Variants in NOXA1 observed in about 807,000 individuals in gnomAD.
The protein encoded by NOXA1 is NCF2-like protein.
In NOXA1, 56 loss-of-function variants were observed where a neutral mutation model predicts 64.8. That is an observed-to-expected ratio of 0.86 (90% CI 0.70 to 1.08). The LOEUF is 1.08. NOXA1 is among the 50% of genes least tolerant of loss of function. The pLI is 0.00. For synonymous variants in NOXA1, 295 were observed against 294.8 expected (o/e 1.00, Z -0.01); for missense variants, 668 against 658.5 (o/e 1.01, Z -0.16).
intron 13 of NOXA1, 51 bp downstream of exon 13, chr9:137,434,130 G>A (rs1839257765): frequency 1.9e-6 from 3 of 1,582,142 alleles, no homozygotes; most frequent in Non-Finnish European, 2.6e-6. Context: ...CCGGGGTGTG[G>A]GGGGCTTAGA....
At position 137,423,440 on chromosome 9, in the gene NOXA1, G is replaced by A. The variant is rs944186852; in HGVS notation, c.-90G>A. 2.3e-6 allele frequency: 2 copies of A among 882,698 alleles called. No homozygotes were observed. The highest frequency in any genetic ancestry group is 4.1e-5 in the East Asian group (1 of 24,274). 54.7% of individuals were successfully genotyped at this position (882,698 alleles called of 1,614,324 possible). On this transcript the variant is annotated 5_prime_UTR_variant, in exon 1 of 14. Coordinates refer to ENST00000683555, the MANE Select transcript of NOXA1 (RefSeq NM_001256067.2). Reference sequence around the variant, plus strand: ...GGCGCCCGCACCTCTGCCCGCCTCGGAGACCCCGCAGCCCCGCGCCGCCGC... The same window carrying A: ...GGCGCCCGCACCTCTGCCCGCCTCGAAGACCCCGCAGCCCCGCGCCGCCGC...
At chr9:137,429,439 G>A in intron 5 of NOXA1, 56 bp downstream of exon 5, 2 of 1,282,042 alleles carry the variant, frequency 1.6e-6, no homozygotes, top group Non-Finnish European at 2.2e-6. Context: ...CCCTCGAACT[G>A]TGTTCCCAGG....
rs772301119 is a variant in NOXA1, at chr9:137,428,979, C to T, written c.467C>T (p.Ser156Phe). 3.1e-6 allele frequency: 5 copies of T among 1,596,950 alleles called. No homozygotes were observed. In the East Asian group the frequency reaches 9.0e-5, roughly 29 times the overall value. The stretch of plus-strand genomic sequence containing the variant: ...GCCATGTCCAAGTGGCCGGAGGGGT[C>T]CCTGAATGGCCTGGACTCAGCCCTG... ...REAMSKWPEG[S>F]LNGLDSALDQ... The change falls in exon 4 of 14, where the codon TCC (serine) becomes TTC (phenylalanine). Residue 156 changes from serine to phenylalanine, a missense_variant. By Grantham distance (155) the Ser-to-Phe change is radical. Coordinates refer to ENST00000683555, the MANE Select transcript of NOXA1 (RefSeq NM_001256067.2).
chr9:137,431,172 C>A lies in NOXA1; in HGVS notation c.699-64C>A, dbSNP rs560329990. On this transcript the variant is annotated intron_variant, in intron 7 of 13. Coordinates refer to ENST00000683555, the MANE Select transcript of NOXA1 (RefSeq NM_001256067.2). This position sits in a 1 kb window ranked among gnomAD's most constrained non-coding sequence, Gnocchi z 5.6. ...GGCAGAGGCCCTCCACATGGGGCCA[C>A]GCGGGCCGGGCACAGGAGGGCAGTC... 18 of 1,610,558 alleles carry A rather than the reference C, an allele frequency of 1.1e-5. No individual in the cohort carries two copies. Among genetic ancestry groups the A allele is most frequent in the Middle Eastern group, 1.6e-4 (1 of 6,072 alleles).
At chr9:137,432,128 G>A (rs995070815) in intron 8 of NOXA1, among the ~76,000 whole-genome samples, 1 of 152,050 alleles carries the variant, frequency 6.6e-6, no homozygotes, top group African/African-American at 2.4e-5. Flanking sequence ...CTAATAATAA[G>A]TTACAATCGA....
Position 137,433,890 on chromosome 9 carries a change from G to A in NOXA1, c.1179+26G>A, listed in dbSNP as rs1839237932. ...GTGAGCCAAGGGCGAGGCAGGGGCA[G>A]GGGCACCCTGAGGGGCGGTGGAGGC... is the stretch of plus-strand genomic sequence containing the variant. On this transcript the variant is annotated intron_variant, in intron 12 of 13. Coordinates refer to ENST00000683555, the MANE Select transcript of NOXA1 (RefSeq NM_001256067.2). The A allele has an allele frequency of 2.7e-6, 4 of 1,473,522 alleles. No homozygotes were observed. In the East Asian group the frequency reaches 7.4e-5, roughly 27 times the overall value. 91.3% of individuals were successfully genotyped at this position (1,473,522 alleles called of 1,614,324 possible). A position where few individuals can be genotyped will look rare whatever the true frequency, so the allele number is the denominator to read the frequency against.
chr9:137,429,439 G>C (rs1342040491), intron 5 of NOXA1, 56 bp downstream of exon 5: 8 of 1,281,924 alleles, frequency 6.2e-6, no homozygotes, highest in African/African-American at 1.5e-5. Context: ...CCCTCGAACT[G>C]TGTTCCCAGG....
chr9:137,428,990 C>T lies in NOXA1; in HGVS notation c.478C>T (p.Leu160=). ...GTGGCCGGAGGGGTCCCTGAATGGC[C>T]TGGACTCAGCCCTGGACCAAGTGCA... ...SKWPEGSLNG[L]DSALDQVQRR... is the part of the protein sequence containing the mutation. The change falls in exon 4 of 14, where the codon CTG becomes TTG. Residue 160 remains leucine (L), a synonymous_variant. Transcript: ENST00000683555. 6.3e-7 allele frequency: 1 copy of T among 1,591,928 alleles called. No individual in the cohort carries two copies. Among genetic ancestry groups the T allele is most frequent in the Non-Finnish European group, 8.6e-7 (1 of 1,168,528 alleles).
chr9:137,429,486 CA>C (rs894655259), intron 5 of NOXA1, 103 bp downstream of exon 5: 2 of 826,498 alleles, frequency 2.4e-6, no homozygotes, highest in Non-Finnish European at 3.8e-6. Flanking sequence ...CCGTAAGGGC[CA>C]GGAGGGTAGA....
chr9:137,431,450 G>T lies in NOXA1; in HGVS notation c.804+109G>T, dbSNP rs1332724904. ...TGAGGGTGGAGGGAGCAGCTCGCTG[G>T]GGGGTAGACGGGGCCGGGCTCACCC... On this transcript the variant is annotated intron_variant, in intron 8 of 13. Transcript: ENST00000683555. The surrounding 1 kb of genome is among the most constrained non-coding windows in gnomAD (Gnocchi z 5.6). The T allele has an allele frequency of 3.7e-5, 31 of 845,564 alleles. No individual in the cohort carries two copies. Among genetic ancestry groups the T allele is most frequent in the Non-Finnish European group, 5.5e-5 (29 of 531,338 alleles). 52.4% of individuals were successfully genotyped at this position (845,564 alleles called of 1,614,324 possible). A position where few individuals can be genotyped will look rare whatever the true frequency, so the allele number is the denominator to read the frequency against.
At chr9:137,426,116 G>C (rs1478776162) in intron 1 of NOXA1, 132 bp from the exon 2 acceptor site, 1 of 781,568 alleles carries the variant, frequency 1.3e-6, no homozygotes, top group African/African-American at 1.7e-5. Context: ...TCCTGGACAG[G>C]AGCAGGAGGG....
intron 5 of NOXA1, among the ~76,000 whole-genome samples, chr9:137,430,412 C>T (rs1839060678): frequency 6.6e-6 from 1 of 152,220 alleles, no homozygotes; most frequent in South Asian, 2.1e-4. Flanking sequence ...CCCCCTCGGT[C>T]ACCTGCGCTG....
At chr9:137,430,924 T>C in intron 6 of NOXA1, 81 bp downstream of exon 6, 1 of 1,550,704 alleles carries the variant, frequency 6.4e-7, no homozygotes. Flanking sequence ...CTCTGAGCCC[T>C]CCTGGGGCTG....
Position 137,423,520 on chromosome 9 carries a change from A to C in NOXA1, c.-10A>C. The C allele has an allele frequency of 7.4e-7, 1 of 1,349,770 alleles. No individual in the cohort carries two copies. Among genetic ancestry groups the C allele is most frequent in the South Asian group, 1.9e-5 (1 of 52,814 alleles). 83.6% of individuals were successfully genotyped at this position (1,349,770 alleles called of 1,614,324 possible). A position where few individuals can be genotyped will look rare whatever the true frequency, so the allele number is the denominator to read the frequency against. ...TCCTGGCCCCTCCTCGAGCGCCGCC[A>C]CCGGCCGCCATGGCCTCTCTGGGGG... On this transcript the variant is annotated 5_prime_UTR_variant, in exon 1 of 14. Coordinates refer to ENST00000683555, the MANE Select transcript of NOXA1 (RefSeq NM_001256067.2).
At chr9:137,430,708 C>T in intron 5 of NOXA1, 76 bp from the exon 6 acceptor site, 12 of 1,332,462 alleles carry the variant, frequency 9.0e-6, no homozygotes, top group Middle Eastern at 2.5e-4. Flanking sequence ...CTGCGGGGCA[C>T]GGTGGGGCGG....
At chr9:137,433,650 C>A (rs746977882) in intron 11 of NOXA1, 43 bp downstream of exon 11, 1 of 1,523,802 alleles carries the variant, frequency 6.6e-7, no homozygotes, top group East Asian at 2.5e-5. Flanking sequence ...AGCTGGGCAC[C>A]GCCCCGACTG....
chr9:137,429,130 C>T (rs571804725), intron 4 of NOXA1, 114 bp downstream of exon 4: 104 of 1,296,620 alleles, frequency 8.0e-5, no homozygotes, highest in Admixed American at 2.8e-4. Context: ...TGCCCAGTTT[C>T]GGGTGCCAGG....
chr9:137,426,797 C>T (rs1838863403), intron 2 of NOXA1, among the ~76,000 whole-genome samples: 1 of 152,188 alleles, frequency 6.6e-6, no homozygotes, highest in African/African-American at 2.4e-5. Flanking sequence ...TATTTATTTA[C>T]TTTTTAAAAA....
chr9:137,430,692 T>G (rs1304721059), intron 5 of NOXA1, 92 bp from the exon 6 acceptor site: 4 of 1,160,124 alleles, frequency 3.4e-6, no homozygotes, highest in Non-Finnish European at 4.7e-6. Context: ...CCCCGGGGAC[T>G]TAGAGCTGCG....
Sources: gnomAD v4.1 joint callset for allele counts (sites outside exome capture counted in the v4.1 genomes callset) on GRCh38, gnomAD v4.1.1 for gene constraint, Gnocchi (gnomAD v3.1) non-coding constraint, MANE v1.5 for transcripts, NCBI Gene and HGNC (gene_info 2026-07-23, HGNC 2026-07-21) for gene names.